The following LRIG2 variants were observed in gnomAD, a reference collection of about 807,000 sequenced individuals.
LRIG2 encodes the protein leucine rich repeats and immunoglobulin like domains 2, also known as leucine-rich repeats and immunoglobulin-like domains protein 2.
Under a neutral mutation model 107.8 loss-of-function variants are expected in LRIG2, and 93 were observed. The ratio of observed to expected loss-of-function variants is 0.86; its 90% CI spans 0.73 to 1.03. The LOEUF is 1.03. Among genes scored for constraint, LRIG2 ranks in the 50% least tolerant of loss-of-function variants. The pLI is 0.00. For synonymous variants in LRIG2, 471 were observed against 470.6 expected (o/e 1.00, Z -0.01); for missense variants, 1,226 against 1,296.0 (o/e 0.95, Z 0.83).
Position 113,130,020 on chromosome 1 carries a change from C to T in LRIG2, c.*5919C>T, listed in dbSNP as rs1016252028. 4 of 152,138 alleles carry T rather than the reference C, an allele frequency of 2.6e-5. No homozygotes were observed. Among genetic ancestry groups the T allele is most frequent in the Non-Finnish European group, 5.9e-5 (4 of 68,070 alleles). The allele number at this position is 152,138 out of a possible 1,614,324, so 9.4% of individuals were successfully genotyped here. ...GCCCAAGTGATCCTCCCACCTCAAC[C>T]ACCTGAGTAGCTGTGCCACCACACC... is the stretch of plus-strand genomic sequence containing the variant. On this transcript the variant is annotated 3_prime_UTR_variant, in exon 18 of 18. Coordinates refer to ENST00000361127, the MANE Select transcript of LRIG2 (RefSeq NM_014813.3).
chr1:113,089,414 A>G (rs1326316132), intron 1 of LRIG2, among the ~76,000 whole-genome samples: 1 of 152,210 alleles, frequency 6.6e-6, no homozygotes, highest in Non-Finnish European at 1.5e-5. Flanking sequence ...TAGAAGTGAG[A>G]TGAAATTTCA....
intron 2 of LRIG2, 61 bp from the exon 3 acceptor site, chr1:113,093,145 A>G: frequency 9.8e-7 from 1 of 1,024,908 alleles, no homozygotes; most frequent in Non-Finnish European, 1.5e-6. Flanking sequence ...GCCAGAAGGT[A>G]GAATCCAAGA....
At chr1:113,123,586 TAAATA>T (rs1655353884) in intron 17 of LRIG2, among the ~76,000 whole-genome samples, 1 of 151,954 alleles carries the variant, frequency 6.6e-6, no homozygotes, top group South Asian at 2.1e-4. Flanking sequence ...AAAAAATAAA[TAAATA>T]AAATAAAAAA....
intron 17 of LRIG2, among the ~76,000 whole-genome samples, chr1:113,122,278 G>C (rs919672474): frequency 7.3e-5 from 11 of 151,512 alleles, no homozygotes; most frequent in Non-Finnish European, 1.3e-4. Flanking sequence ...GTGGAGACAG[G>C]GTTTCACCAT....
chr1:113,096,496 C>G, intron 8 of LRIG2, 131 bp downstream of exon 8: 2 of 941,434 alleles, frequency 2.1e-6, no homozygotes, highest in Non-Finnish European at 3.2e-6. Flanking sequence ...TGTCCTATGC[C>G]TCAGAGCAAG....
At chr1:113,081,866 A>G (rs1308622483) in intron 1 of LRIG2, among the ~76,000 whole-genome samples, 2 of 152,220 alleles carry the variant, frequency 1.3e-5, no homozygotes, top group Non-Finnish European at 2.9e-5. Context: ...AGTATTATGG[A>G]TGTCTCTCAC....
rs370612156 is a variant in LRIG2, at chr1:113,100,513, C to T, written c.1313+25C>T. On this transcript the variant is annotated intron_variant, in intron 11 of 17. Coordinates refer to ENST00000361127, the MANE Select transcript of LRIG2 (RefSeq NM_014813.3). ...TGTAAGTAACTTGTCTTTTTAAAAT[C>T]ACCAGTTGGATCATTGTTCCTGCTT... The T allele has an allele frequency of 1.5e-5, 20 of 1,313,086 alleles. No individual in the cohort carries two copies. The African/African-American group carries it at 2.7e-4, about 18-fold the overall frequency. The allele number at this position is 1,313,086 out of a possible 1,614,324, so 81.3% of individuals were successfully genotyped here.
intron 1 of LRIG2, among the ~76,000 whole-genome samples, chr1:113,087,089 G>A (rs1653587815): frequency 6.6e-6 from 1 of 152,118 alleles, no homozygotes; most frequent in Admixed American, 6.6e-5. Flanking sequence ...GCTGTAGTGA[G>A]GTGTGATGTC....
chr1:113,085,340 A>G (rs1354991689), intron 1 of LRIG2, among the ~76,000 whole-genome samples: 2 of 152,034 alleles, frequency 1.3e-5, no homozygotes, highest in Admixed American at 6.6e-5. Flanking sequence ...CTGGAGTGCA[A>G]TGGTGGGATC....
chr1:113,087,178 G>C (rs189658908), intron 1 of LRIG2, among the ~76,000 whole-genome samples: 1 of 152,234 alleles, frequency 6.6e-6, no homozygotes, highest in African/African-American at 2.4e-5. Flanking sequence ...ATTTGAAAGA[G>C]AGTTCTCCAT....
chr1:113,077,495 T>C (rs1363014322), intron 1 of LRIG2, among the ~76,000 whole-genome samples: 1 of 152,234 alleles, frequency 6.6e-6, no homozygotes, highest in African/African-American at 2.4e-5. Context: ...CTGTACTTGA[T>C]TAATTTATTG....
rs4839289 is a variant in LRIG2 at position 113,130,077 on chromosome 1, A to G, written c.*5976A>G. 148,311 of 152,278 alleles carry G rather than the reference A, an allele frequency of 0.97. 72,337 individuals are homozygous for G. The highest frequency in any genetic ancestry group is 1 in the East Asian group (5,168 of 5,168). The allele number at this position is 152,278 out of a possible 1,614,324, so 9.4% of individuals were successfully genotyped here. On this transcript the variant is annotated 3_prime_UTR_variant, in exon 18 of 18. Coordinates refer to ENST00000361127, the MANE Select transcript of LRIG2 (RefSeq NM_014813.3). ...ATTTTTGTATTTTTTGTAGAGATGG[A>G]GTTTCACCTTGTTGCCCAGGCTGAT...
intron 14 of LRIG2, among the ~76,000 whole-genome samples, chr1:113,113,995 T>C (rs988598626): frequency 6.6e-6 from 1 of 152,228 alleles, no homozygotes; most frequent in Non-Finnish European, 1.5e-5. Flanking sequence ...ACAAGTTGCC[T>C]TGTTATTAAA....
In LRIG2 at chr1:113,093,417, CTT is replaced by C. The variant is rs1653910950; in HGVS notation, c.381-11_381-10del. On this transcript the variant is annotated splice_polypyrimidine_tract_variant and intron_variant, in intron 3 of 17. Coordinates refer to ENST00000361127, the MANE Select transcript of LRIG2 (RefSeq NM_014813.3). ...TCAGTGGCAGCAGCTTCATTATAAT[CTT>C]TGTTTTACAGAGTCCATAATATAAT... The C allele has an allele frequency of 4.3e-6, 7 of 1,612,734 alleles. No homozygotes were observed. Among genetic ancestry groups the C allele is most frequent in the Non-Finnish European group, 5.9e-6 (7 of 1,179,488 alleles).
Position 113,090,246 on chromosome 1 carries a change from G to T in LRIG2, c.240-1072G>T, listed in dbSNP as rs1024398261. Among the ~76,000 whole-genome samples, 5 of 152,216 alleles carry T rather than the reference G, an allele frequency of 3.3e-5. No individual in the cohort carries two copies. The East Asian group carries it at 9.6e-4, about 29-fold the overall frequency. ...TGTTGTGTCATTTCTGTAAAAATTT[G>T]CTGTACATGCATAAAATATCCAGAA... On this transcript the variant is annotated intron_variant, in intron 1 of 17. Transcript: ENST00000361127.
At chr1:113,094,929 A>G (rs1226663170) in intron 6 of LRIG2, among the ~76,000 whole-genome samples, 174 bp downstream of exon 6, 2 of 151,750 alleles carry the variant, frequency 1.3e-5, no homozygotes, top group South Asian at 2.1e-4. Context: ...TAACTGATCA[A>G]TTTTGAAATA....
intron 11 of LRIG2, among the ~76,000 whole-genome samples, chr1:113,106,701 C>T (rs1199356988): frequency 1.6e-4 from 25 of 152,170 alleles, no homozygotes; most frequent in Admixed American, 3.9e-4. Flanking sequence ...GATAGGGTTT[C>T]GCCATGTTGG....
chr1:113,081,472 G>A (rs1442248522), intron 1 of LRIG2, among the ~76,000 whole-genome samples: 2 of 151,100 alleles, frequency 1.3e-5, no homozygotes, highest in Non-Finnish European at 2.9e-5. Flanking sequence ...CTACAGGCAC[G>A]CGCCACCATA....
Position 113,110,350 on chromosome 1 carries a change from T to A in LRIG2, c.1586T>A (p.Met529Lys), listed in dbSNP as rs1392579715. ...GCAGTGAGCAGCAGTGATTCACCCA[T>A]GTCCACTGTGTGGCGCAAAGACAGT... ...CTAVSSSDSP[M>K]STVWRKDSEI... The change falls in exon 13 of 18, where the codon ATG becomes AAG. Residue 529 changes from methionine to lysine, a missense_variant. By Grantham distance (95) the Met-to-Lys change is moderately conservative. Around this residue, in one of 3 missense-constraint regions of LRIG2, gnomAD observed 642 missense variants for 712.2 expected, o/e 0.90. Transcript: ENST00000361127. 2 of 1,614,042 alleles carry A rather than the reference T, an allele frequency of 1.2e-6. No individual in the cohort carries two copies. The highest frequency in any genetic ancestry group is 2.2e-5 in the East Asian group (1 of 44,894).
Sources: allele counts gnomAD v4.1 joint callset (sites outside exome capture counted in the v4.1 genomes callset), GRCh38; gene constraint gnomAD v4.1.1; regional missense constraint gnomAD v4.1.1; transcripts MANE v1.5; gene names NCBI Gene and HGNC (gene_info 2026-07-23, HGNC 2026-07-21).